Variants in INPP5K observed in about 807,000 individuals in gnomAD.
The protein encoded by INPP5K is inositol polyphosphate-5-phosphatase K.
Under a neutral mutation model 53.5 loss-of-function variants are expected in INPP5K, and 35 were observed. That is an observed-to-expected ratio of 0.65 (90% confidence interval 0.50 to 0.87). The LOEUF (loss-of-function observed/expected upper bound fraction) is 0.87. Ranked by LOEUF, INPP5K falls within the 40% of genes least tolerant of loss-of-function variation. The pLI is 0.00. For synonymous variants in INPP5K, 253 were observed against 232.8 expected (o/e 1.09, Z -0.79); for missense variants, 550 against 586.2 (o/e 0.94, Z 0.64).
At chr17:1,513,044 A>G (rs1042291617) in intron 3 of INPP5K, among the ~76,000 whole-genome samples, 4 of 152,200 alleles carry the variant, frequency 2.6e-5, no homozygotes, top group Non-Finnish European at 5.9e-5. Flanking sequence ...TAACATATAT[A>G]CTATAAAGAG....
chr17:1,507,461 G>A (rs959386204), intron 6 of INPP5K: 12 of 233,774 alleles, frequency 5.1e-5, no homozygotes, highest in African/African-American at 2.3e-4. Context: ...AACGAGGCTG[G>A]GGATGGGAAA....
chr17:1,514,531 A>G (rs1273994487), intron 1 of INPP5K, among the ~76,000 whole-genome samples: 2 of 151,952 alleles, frequency 1.3e-5, no homozygotes, highest in African/African-American at 2.4e-5. Context: ...AGCCACCCAC[A>G]CCCGGCAGCA....
At position 1,513,477 on chromosome 17, in the gene INPP5K, C is replaced by A. The variant is rs374694396; in HGVS notation, c.237G>T (p.Val79=). ...NDSWSSFLMD[V]LSPLSFIKVS... Reference sequence around the variant, plus strand: ...CCTTGATGAAGCTCAGAGGGGAAAGCACATCCATGAGGAAACTGCTCCACG... The same window carrying A: ...CCTTGATGAAGCTCAGAGGGGAAAGAACATCCATGAGGAAACTGCTCCACG... Residue 79 remains valine, a synonymous_variant, in exon 3 of 12, where the codon GTG becomes GTT. Coordinates refer to ENST00000421807, the MANE Select transcript of INPP5K (RefSeq NM_016532.4). 1.2e-6 allele frequency: 2 copies of A among 1,614,060 alleles called. No homozygotes were observed. The highest frequency in any genetic ancestry group is 2.2e-5 in the South Asian group (2 of 91,088).
chr17:1,500,367 GTT>G (rs753820335), intron 7 of INPP5K, among the ~76,000 whole-genome samples: 1 of 145,222 alleles, frequency 6.9e-6, no homozygotes. Context: ...TGCTTCCAAA[GTT>G]TTTTTTTTTT....
chr17:1,502,347 T>TCAAA (rs369537528), intron 7 of INPP5K, among the ~76,000 whole-genome samples: 8,388 of 152,230 alleles, frequency 0.055, 260 homozygotes, highest in Non-Finnish European at 0.073. Context: ...AGACTCCGTC[T>TCAAA]CAAACAAACA....
intron 3 of INPP5K, among the ~76,000 whole-genome samples, chr17:1,510,220 C>G (rs995727715): frequency 1.3e-5 from 2 of 152,148 alleles, no homozygotes; most frequent in African/African-American, 4.8e-5. Flanking sequence ...TTGGTTTCAG[C>G]ATTCTTTTTT....
intron 6 of INPP5K, chr17:1,507,689 T>C (rs1359434335): frequency 6.3e-6 from 1 of 159,862 alleles, no homozygotes; most frequent in African/African-American, 2.4e-5. Flanking sequence ...TACAGGCACG[T>C]GCCACCACGC....
intron 7 of INPP5K, among the ~76,000 whole-genome samples, chr17:1,499,762 G>C (rs1213961107): frequency 2.0e-5 from 3 of 152,172 alleles, no homozygotes; most frequent in African/African-American, 7.2e-5. Context: ...TGTGGCGGGG[G>C]AGCAGGACAG....
At chr17:1,497,779 A>AC (rs1271398162) in intron 8 of INPP5K, 157 bp downstream of exon 8, 4 of 653,604 alleles carry the variant, frequency 6.1e-6, no homozygotes, top group Non-Finnish European at 1.1e-5. Flanking sequence ...GGCTCCTAAG[A>AC]GGAGCTGGGA....
At chr17:1,516,161 G>A in intron 1 of INPP5K, 2 of 1,234,238 alleles carry the variant, frequency 1.6e-6, no homozygotes, top group Non-Finnish European at 2.1e-6. Context: ...AGAGCCGAAG[G>A]GTGACGGCCT....
chr17:1,512,515 A>C (rs1020999657), intron 3 of INPP5K, among the ~76,000 whole-genome samples: 1 of 152,172 alleles, frequency 6.6e-6, no homozygotes, highest in Non-Finnish European at 1.5e-5. Flanking sequence ...GGCTGACAGA[A>C]TCCATTCTGA....
intron 2 of INPP5K, 70 bp downstream of exon 2, chr17:1,513,802 G>A (rs955049484): frequency 8.1e-7 from 1 of 1,233,418 alleles, no homozygotes; most frequent in Non-Finnish European, 1.2e-6. Flanking sequence ...GAGGAGGGCA[G>A]GTCACAGTGC....
chr17:1,501,800 CA>C (rs2075018672), intron 7 of INPP5K, among the ~76,000 whole-genome samples: 1 of 145,942 alleles, frequency 6.9e-6, no homozygotes, highest in Non-Finnish European at 1.5e-5. Context: ...GGGCGGATCA[CA>C]AGGTCAGGAG....
chr17:1,506,173 G>A (rs1048196703), intron 7 of INPP5K, among the ~76,000 whole-genome samples: 1 of 152,040 alleles, frequency 6.6e-6, no homozygotes, highest in African/African-American at 2.4e-5. Flanking sequence ...ACAGGTGCGC[G>A]CTACCATGCC....
chr17:1,495,961 G>A (rs762946733), intron 11 of INPP5K, 82 bp from the exon 12 acceptor site: 308 of 1,411,456 alleles, frequency 2.2e-4, no homozygotes, highest in Non-Finnish European at 2.8e-4. Flanking sequence ...GCACTGCAGC[G>A]GCCCCTCATG....
intron 7 of INPP5K, among the ~76,000 whole-genome samples, chr17:1,506,458 G>A (rs934001914): frequency 1.3e-5 from 2 of 152,100 alleles, no homozygotes; most frequent in Non-Finnish European, 2.9e-5. Context: ...AGGCCTAAAC[G>A]CTTTGGCTAA....
chr17:1,496,809 C>A lies in INPP5K; in HGVS notation c.964-6G>T. The A allele has an allele frequency of 6.2e-7, 1 of 1,613,754 alleles. No homozygotes were observed. Among genetic ancestry groups the A allele is most frequent in the Non-Finnish European group, 8.5e-7 (1 of 1,179,848 alleles). On this transcript the variant is annotated splice_polypyrimidine_tract_variant and splice_region_variant and intron_variant, in intron 8 of 11. Transcript: ENST00000421807. ...GCAGACACCAATGGCTTCAGCTAGACACGGGGGTGGGAAGGGGGCTGAATC... is the reference window on the plus strand; with the variant it reads ...GCAGACACCAATGGCTTCAGCTAGAAACGGGGGTGGGAAGGGGGCTGAATC...
At chr17:1,509,573 A>G (rs936087441) in intron 4 of INPP5K, 110 bp downstream of exon 4, 7 of 912,720 alleles carry the variant, frequency 7.7e-6, no homozygotes, top group Non-Finnish European at 1.3e-5. Flanking sequence ...ACAAACATGC[A>G]TTGGGCTGGA....
intron 5 of INPP5K, 174 bp from the exon 6 acceptor site, chr17:1,508,400 C>T: frequency 1.6e-6 from 1 of 613,734 alleles, no homozygotes; most frequent in South Asian, 1.9e-5. Flanking sequence ...GGCTCCTAAA[C>T]CACCATTCAA....
Sources: gnomAD v4.1 joint callset for allele counts (sites outside exome capture counted in the v4.1 genomes callset) on GRCh38, gnomAD v4.1.1 for gene constraint, MANE v1.5 for transcripts, NCBI Gene and HGNC (gene_info 2026-07-23, HGNC 2026-07-21) for gene names.